NTNG1: variants seen among roughly 807,000 people sequenced by gnomAD.
NTNG1 encodes netrin-G1.
Under a neutral mutation model 54.0 loss-of-function variants are expected in NTNG1, and 16 were observed. That is an observed-to-expected ratio of 0.30 (90% CI 0.20 to 0.45). The LOEUF (loss-of-function observed/expected upper bound fraction) is 0.45. Ranked by LOEUF, NTNG1 falls within the 20% of genes least tolerant of loss-of-function variation. The pLI, the probability that NTNG1 is intolerant of heterozygous loss-of-function variation, is 1.00. For synonymous variants in NTNG1, 255 were observed against 263.1 expected (o/e 0.97, Z 0.30); for missense variants, 530 against 678.7 (o/e 0.78, Z 2.43).
At chr1:107,412,378 C>T (rs1673877137) in intron 5 of NTNG1, among the ~76,000 whole-genome samples, 1 of 152,148 alleles carries the variant, frequency 6.6e-6, no homozygotes, top group Admixed American at 6.6e-5. Context: ...CACATGTCTA[C>T]AGAATTCTGT....
intron 3 of NTNG1, among the ~76,000 whole-genome samples, chr1:107,368,390 A>C (rs1460262288): frequency 6.6e-6 from 1 of 152,094 alleles, no homozygotes; most frequent in Non-Finnish European, 1.5e-5. Flanking sequence ...ACCTTGCATA[A>C]TGATCTTGTG....
At chr1:107,317,097 C>A (rs974382956) in intron 2 of NTNG1, among the ~76,000 whole-genome samples, 1 of 152,070 alleles carries the variant, frequency 6.6e-6, no homozygotes, top group African/African-American at 2.4e-5. Flanking sequence ...CATACTCATG[C>A]GGAGAAGAAA....
intron 2 of NTNG1, among the ~76,000 whole-genome samples, chr1:107,151,264 G>A (rs987794146): frequency 1.3e-5 from 2 of 152,076 alleles, no homozygotes; most frequent in Non-Finnish European, 2.9e-5. Context: ...CTGCAGTTTT[G>A]GATGTTCCAT....
chr1:107,210,577 C>T (rs1030923912), intron 2 of NTNG1, among the ~76,000 whole-genome samples: 11 of 152,106 alleles, frequency 7.2e-5, no homozygotes, highest in African/African-American at 2.4e-4. Flanking sequence ...AAGTCACCGC[C>T]AGATGAATTT....
intron 2 of NTNG1, among the ~76,000 whole-genome samples, chr1:107,239,695 G>A (rs1298777322): frequency 6.6e-6 from 1 of 152,172 alleles, no homozygotes; most frequent in African/African-American, 2.4e-5. Context: ...ACTAAAGAGA[G>A]AACAAGAAGC....
chr1:107,405,022 A>C (rs936293318), intron 4 of NTNG1, among the ~76,000 whole-genome samples: 1 of 152,110 alleles, frequency 6.6e-6, no homozygotes, highest in Non-Finnish European at 1.5e-5. Flanking sequence ...AACCCCAAAG[A>C]TACCCCAGCT....
intron 2 of NTNG1, among the ~76,000 whole-genome samples, chr1:107,162,536 C>T (rs4915020): frequency 0.56 from 85,680 of 151,846 alleles, 26,445 homozygotes; most frequent in African/African-American, 0.83. Context: ...TTGGAAGTTG[C>T]ATAAGCATCA....
intron 2 of NTNG1, among the ~76,000 whole-genome samples, chr1:107,297,174 CATATAACATCATATAT>C (rs1372501334): frequency 4.8e-5 from 6 of 125,096 alleles, no homozygotes; most frequent in East Asian, 2.2e-4. Flanking sequence ...TATATAACAT[CATATAACATCATATAT>C]ATATAACATC....
At chr1:107,305,694 T>G (rs961948226) in intron 2 of NTNG1, among the ~76,000 whole-genome samples, 1 of 152,178 alleles carries the variant, frequency 6.6e-6, no homozygotes, top group Non-Finnish European at 1.5e-5. Flanking sequence ...GTAGGTTGCC[T>G]GTTCACTCTG....
At chr1:107,197,037 A>T (rs1658390375) in intron 2 of NTNG1, among the ~76,000 whole-genome samples, 1 of 152,024 alleles carries the variant, frequency 6.6e-6, no homozygotes, top group African/African-American at 2.4e-5. Context: ...GTAAACAATG[A>T]ATATGGTTGT....
At chr1:107,154,898 G>A (rs998490858) in intron 2 of NTNG1, among the ~76,000 whole-genome samples, 1 of 151,996 alleles carries the variant, frequency 6.6e-6, no homozygotes, top group Non-Finnish European at 1.5e-5. Flanking sequence ...GTTAAGATTA[G>A]GGGAAAGATT....
At chr1:107,241,170 C>T (rs1330171963) in intron 2 of NTNG1, among the ~76,000 whole-genome samples, 3 of 152,154 alleles carry the variant, frequency 2.0e-5, no homozygotes, top group African/African-American at 7.2e-5. Context: ...AGCTTTGGAT[C>T]ATTTGTGATT....
chr1:107,478,219 G>T (rs1159732475), intron 7 of NTNG1, among the ~76,000 whole-genome samples: 1 of 152,176 alleles, frequency 6.6e-6, no homozygotes, highest in African/African-American at 2.4e-5. Context: ...TTCTGTATTT[G>T]TTGGAGGACT....
intron 3 of NTNG1, among the ~76,000 whole-genome samples, chr1:107,347,190 A>G (rs760588925): frequency 6.6e-6 from 1 of 152,104 alleles, no homozygotes; most frequent in Admixed American, 6.6e-5. Context: ...TCTCTGAGCA[A>G]TAGTTTCCAC....
intron 3 of NTNG1, among the ~76,000 whole-genome samples, chr1:107,353,088 A>C (rs1669724571): frequency 6.6e-6 from 1 of 152,194 alleles, no homozygotes; most frequent in Admixed American, 6.5e-5. Context: ...TTGGATATTA[A>C]CATTTGCATA....
intron 7 of NTNG1, among the ~76,000 whole-genome samples, chr1:107,469,087 A>T (rs1355685550): frequency 2.2e-5 from 3 of 139,416 alleles, no homozygotes; most frequent in Admixed American, 7.5e-5. Flanking sequence ...ACAGGATCAA[A>T]ACTCCATTTC....
chr1:107,450,581 G>A (rs1440392946), intron 7 of NTNG1, among the ~76,000 whole-genome samples: 4 of 150,956 alleles, frequency 2.6e-5, no homozygotes, highest in African/African-American at 4.9e-5. Flanking sequence ...GCTCCTTCCC[G>A]GAAAAAAAAA....
intron 2 of NTNG1, among the ~76,000 whole-genome samples, chr1:107,259,033 G>C (rs1413367503): frequency 6.6e-6 from 1 of 152,012 alleles, no homozygotes; most frequent in Non-Finnish European, 1.5e-5. Flanking sequence ...CTCTCTAATG[G>C]GGATGACCAA....
intron 2 of NTNG1, among the ~76,000 whole-genome samples, chr1:107,156,249 G>T (rs1654987535): frequency 6.6e-6 from 1 of 152,214 alleles, no homozygotes; most frequent in Non-Finnish European, 1.5e-5. Context: ...GGCAGCTTAT[G>T]CTGCTCTCAG....
Sources: gnomAD v4.1 joint callset for allele counts (sites outside exome capture counted in the v4.1 genomes callset) on GRCh38, gnomAD v4.1.1 for gene constraint, MANE v1.5 for transcripts, NCBI Gene and HGNC (gene_info 2026-07-23, HGNC 2026-07-21) for gene names.